The following CDIN1 variants were observed in gnomAD, a reference collection of about 807,000 sequenced individuals.
CDIN1 encodes the protein CDAN1-interacting nuclease 1.
CDIN1 carries 33 observed loss-of-function variants against 45.3 expected under a neutral mutation model. The ratio of observed to expected loss-of-function variants is 0.73; its 90% CI spans 0.55 to 0.97. The LOEUF is 0.97. Among genes scored for constraint, CDIN1 ranks in the 50% least tolerant of loss-of-function variants. The probability of loss-of-function intolerance (pLI) is 0.00; values close to 1 mark genes in which losing one functional copy is unlikely to be tolerated. For missense variants in CDIN1, 303 were observed against 339.4 expected (o/e 0.89, Z 0.84); for synonymous variants, 118 against 124.4 (o/e 0.95, Z 0.34).
chr15:36,752,119 C>T (rs1472722863), intron 10 of CDIN1, among the ~76,000 whole-genome samples: 1 of 152,116 alleles, frequency 6.6e-6, no homozygotes, highest in African/African-American at 2.4e-5. Flanking sequence ...TGTAACAAAC[C>T]TGCACATCCT....
At chr15:36,736,015 A>G (rs1284660420) in intron 10 of CDIN1, among the ~76,000 whole-genome samples, 1 of 152,202 alleles carries the variant, frequency 6.6e-6, no homozygotes, top group Non-Finnish European at 1.5e-5. Context: ...AAGGAGGCAC[A>G]TGTAGCATCC....
intron 1 of CDIN1, among the ~76,000 whole-genome samples, chr15:36,615,058 G>A (rs28584120): frequency 0.081 from 12,389 of 152,170 alleles, 656 homozygotes; most frequent in Middle Eastern, 0.13. Context: ...CCCTTTTCTG[G>A]GTTTGAAGCT....
intron 10 of CDIN1, among the ~76,000 whole-genome samples, chr15:36,791,689 T>C (rs969202181): frequency 6.6e-6 from 1 of 152,156 alleles, no homozygotes; most frequent in Admixed American, 6.6e-5. Context: ...CCAGTTCTCA[T>C]AGCTAGTTAG....
intron 1 of CDIN1, chr15:36,619,081 A>T (rs1188104759): frequency 4.4e-5 from 51 of 1,158,154 alleles, no homozygotes; most frequent in Non-Finnish European, 5.8e-5. Context: ...GTCCCTTGAG[A>T]AACCAAATGA....
At chr15:36,628,247 C>T (rs775663575) in intron 1 of CDIN1, among the ~76,000 whole-genome samples, 6 of 152,144 alleles carry the variant, frequency 3.9e-5, no homozygotes, top group Non-Finnish European at 5.9e-5. Flanking sequence ...CTAAGGATCA[C>T]TTATCTGCCT....
intron 10 of CDIN1, among the ~76,000 whole-genome samples, chr15:36,758,745 C>T (rs1000221052): frequency 2.0e-5 from 3 of 152,148 alleles, no homozygotes; most frequent in Non-Finnish European, 4.4e-5. Flanking sequence ...GTATTCAGTA[C>T]ACTTATTCAT....
chr15:36,604,947 G>A (rs1566826916), intron 1 of CDIN1, among the ~76,000 whole-genome samples: 1 of 152,098 alleles, frequency 6.6e-6, no homozygotes, highest in Non-Finnish European at 1.5e-5. Flanking sequence ...TAAAGAGAAA[G>A]GGGGATTTAG....
intron 3 of CDIN1, among the ~76,000 whole-genome samples, chr15:36,646,831 A>G (rs1344399897): frequency 1.3e-5 from 2 of 152,074 alleles, no homozygotes; most frequent in East Asian, 3.9e-4. Context: ...CTGACAGGTA[A>G]TGGGGCTGCC....
At chr15:36,626,059 G>A (rs2039409524) in intron 1 of CDIN1, among the ~76,000 whole-genome samples, 1 of 151,530 alleles carries the variant, frequency 6.6e-6, no homozygotes, top group African/African-American at 2.4e-5. Flanking sequence ...CTCTGTTATT[G>A]TCATCAGGAT....
intron 8 of CDIN1, chr15:36,707,902 T>A (rs1214775845): frequency 6.6e-6 from 1 of 152,204 alleles, no homozygotes; most frequent in African/African-American, 2.4e-5. Context: ...TGTATTTCTT[T>A]ATCTCAATAG....
chr15:36,680,600 A>G (rs886146840), intron 5 of CDIN1, among the ~76,000 whole-genome samples: 3 of 152,188 alleles, frequency 2.0e-5, no homozygotes, highest in Admixed American at 2.0e-4. Context: ...CTAACTTCAG[A>G]TATAGACACG....
intron 5 of CDIN1, among the ~76,000 whole-genome samples, chr15:36,666,781 T>C (rs1258259871): frequency 1.3e-5 from 2 of 152,238 alleles, no homozygotes; most frequent in African/African-American, 4.8e-5. Context: ...CTGTCAGTTT[T>C]AATGCTTTCT....
intron 3 of CDIN1, among the ~76,000 whole-genome samples, chr15:36,650,790 T>G (rs1412020124): frequency 6.6e-6 from 1 of 152,218 alleles, no homozygotes; most frequent in East Asian, 1.9e-4. Flanking sequence ...CTGTTAACCA[T>G]GATGAAATCA....
rs192710922 is a variant in CDIN1 at position 36,750,098 on chromosome 15, G to T, written c.716+40137G>T. On this transcript the variant is annotated intron_variant, in intron 10 of 10. Transcript: ENST00000566621. ...AATTATGTGTTGGTTCGCGGTGGTG[G>T]TGTGGTGGGGGCACAGGAGAGGGGA... Among the ~76,000 whole-genome samples the T allele has an allele frequency of 1.1e-3, 170 of 152,082 alleles. 1 individual carries two copies. The highest frequency in any genetic ancestry group is 4.0e-4 in the Non-Finnish European group (27 of 67,976).
Position 36,597,307 on chromosome 15 carries a change from T to G in CDIN1, c.101+17346T>G, listed in dbSNP as rs554555691. Reference sequence around the variant, plus strand: ...GATGATAGGGGTCCCAGCAAGAATTTGCAATGCTCAAACTCTTTCTTTTCT... The same window carrying G: ...GATGATAGGGGTCCCAGCAAGAATTGGCAATGCTCAAACTCTTTCTTTTCT... On this transcript the variant is annotated intron_variant, in intron 1 of 10. Coordinates refer to ENST00000566621, the MANE Select transcript of CDIN1 (RefSeq NM_001321759.2). 8.5e-5 allele frequency among the ~76,000 whole-genome samples: 13 copies of G among 152,318 alleles called. No homozygotes were observed. In the South Asian group the frequency reaches 2.5e-3, roughly 29 times the overall value.
Position 36,700,082 on chromosome 15 carries a change from G to GTT in CDIN1, c.544+2693_544+2694dup, listed in dbSNP as rs886637255. ...CAGATGAAGTGTCTGCTTTCATGGGGTTATGGTCCAGTAGGGAGACAAGCT... is the reference window on the plus strand; with the variant it reads ...CAGATGAAGTGTCTGCTTTCATGGGGTTTTATGGTCCAGTAGGGAGACAAGCT... On this transcript the variant is annotated intron_variant, in intron 8 of 10. Transcript: ENST00000566621. Among the ~76,000 whole-genome samples, 7 of 152,186 alleles carry GTT rather than the reference G, an allele frequency of 4.6e-5. No homozygotes were observed. The South Asian group carries it at 1.5e-3, about 32-fold the overall frequency.
intron 3 of CDIN1, among the ~76,000 whole-genome samples, chr15:36,649,460 C>T (rs1031460889): frequency 2.0e-5 from 3 of 152,174 alleles, no homozygotes; most frequent in African/African-American, 7.2e-5. Flanking sequence ...AGCTTTGCTA[C>T]AGGAGGGCTA....
chr15:36,751,768 G>A (rs1213135990), intron 10 of CDIN1, among the ~76,000 whole-genome samples: 1 of 152,022 alleles, frequency 6.6e-6, no homozygotes, highest in Non-Finnish European at 1.5e-5. Flanking sequence ...CAATGATACA[G>A]TGAATAAAGA....
At chr15:36,781,277 A>G (rs186700670) in intron 10 of CDIN1, among the ~76,000 whole-genome samples, 2 of 152,286 alleles carry the variant, frequency 1.3e-5, no homozygotes, top group East Asian at 3.9e-4. Context: ...TAGTACTCAT[A>G]TTTGCTTGTA....
Sources: gnomAD v4.1 joint callset for allele counts (sites outside exome capture counted in the v4.1 genomes callset) on GRCh38, gnomAD v4.1.1 for gene constraint, MANE v1.5 for transcripts, NCBI Gene and HGNC (gene_info 2026-07-23, HGNC 2026-07-21) for gene names.